CDK5RAP3: variants seen among roughly 807,000 people sequenced by gnomAD.
CDK5RAP3 encodes the protein CDK5 regulatory subunit-associated protein 3.
In CDK5RAP3, 58 loss-of-function variants were observed where a neutral mutation model predicts 73.3. The observed-to-expected ratio is 0.79, with a 90% confidence interval of 0.64 to 0.98. The LOEUF is 0.98. Ranked by LOEUF, CDK5RAP3 falls within the 50% of genes least tolerant of loss-of-function variation. CDK5RAP3 has a pLI of 0.00. For synonymous variants in CDK5RAP3, 224 were observed against 247.5 expected (o/e 0.91, Z 0.89); for missense variants, 525 against 615.8 (o/e 0.85, Z 1.56).
chr17:47,978,992 T>C, intron 11 of CDK5RAP3, 75 bp downstream of exon 11: 1 of 1,061,464 alleles, frequency 9.4e-7, no homozygotes, highest in Non-Finnish European at 1.5e-6. Context: ...ATGCCTGACC[T>C]GACCCCTCCT....
chr17:47,971,638 G>A (rs980423687), intron 2 of CDK5RAP3, among the ~76,000 whole-genome samples: 1 of 152,114 alleles, frequency 6.6e-6, no homozygotes, highest in Non-Finnish European at 1.5e-5. Flanking sequence ...ATATGTTATC[G>A]TATCATTCAG....
intron 5 of CDK5RAP3, chr17:47,974,727 G>A (rs2036355696): frequency 6.0e-6 from 8 of 1,330,974 alleles, no homozygotes; most frequent in Non-Finnish European, 7.7e-6. Flanking sequence ...CTTGGTTAGC[G>A]GGAGTGTGCT....
chr17:47,974,783 A>C, intron 5 of CDK5RAP3: 1 of 1,272,276 alleles, frequency 7.9e-7, no homozygotes, highest in Non-Finnish European at 1.0e-6. Flanking sequence ...AAGGCAGAAG[A>C]GGCACGGGTT....
chr17:47,975,531 A>C lies in CDK5RAP3; in HGVS notation c.531A>C (p.Gly177=), dbSNP rs776688459. 6.2e-7 allele frequency: 1 copy of C among 1,611,318 alleles called. No individual in the cohort carries two copies. Among genetic ancestry groups the C allele is most frequent in the Non-Finnish European group, 8.5e-7 (1 of 1,180,028 alleles). Residue 177 remains glycine, a synonymous_variant, in exon 7 of 14, where the codon GGA becomes GGC. Coordinates refer to ENST00000338399, the MANE Select transcript of CDK5RAP3 (RefSeq NM_176096.3). The stretch of plus-strand genomic sequence containing the variant: ...CTCTCTAGGGCGAAAATGTCCGAGG[A>C]GAACTGCTGGCCCTGGTGAAGGACC... The part of the protein sequence containing the change: ...QYGITGENVR[G]ELLALVKDLP...
At chr17:47,970,566 A>G, upstream of CDK5RAP3, 1 of 1,090,642 alleles carries the variant, frequency 9.2e-7, no homozygotes, top group Non-Finnish European at 1.3e-6. Flanking sequence ...CGTCTCACCG[A>G]CTCTCTTCCT....
chr17:47,974,046 A>G lies in CDK5RAP3; in HGVS notation c.285+15A>G. On this transcript the variant is annotated intron_variant, in intron 4 of 13. Coordinates refer to ENST00000338399, the MANE Select transcript of CDK5RAP3 (RefSeq NM_176096.3). The stretch of plus-strand genomic sequence containing the variant: ...AGCGGATGAAGGCAAGTGTGGGCCA[A>G]GGGCCGGTAGTATGTGGTTGGGGAC... 1 of 1,570,774 alleles carries G rather than the reference A, an allele frequency of 6.4e-7. No individual in the cohort carries two copies. Among genetic ancestry groups the G allele is most frequent in the Non-Finnish European group, 8.8e-7 (1 of 1,140,390 alleles).
chr17:47,970,519 T>A, upstream of CDK5RAP3: 2 of 719,206 alleles, frequency 2.8e-6, no homozygotes, highest in Non-Finnish European at 4.8e-6. Context: ...TATCTTCAGC[T>A]CTTCGTTTAG....
At chr17:47,973,430 A>C in intron 2 of CDK5RAP3, 89 bp from the exon 3 acceptor site, 1 of 1,483,348 alleles carries the variant, frequency 6.7e-7, no homozygotes, top group Non-Finnish European at 9.2e-7. Flanking sequence ...GAAAACTTTT[A>C]GACTAATTTC....
chr17:47,976,659 C>T (rs942352935), intron 8 of CDK5RAP3, 53 bp from the exon 9 acceptor site: 101 of 1,258,920 alleles, frequency 8.0e-5, no homozygotes, highest in Middle Eastern at 2.7e-4. Flanking sequence ...CCACCATGCC[C>T]GGCCCTTTTT....
intron 9 of CDK5RAP3, 105 bp from the exon 10 acceptor site, chr17:47,977,727 T>C: frequency 1.1e-6 from 1 of 886,094 alleles, no homozygotes. Flanking sequence ...CTTAATAGAG[T>C]TGGAATGTGC....
chr17:47,973,494 T>C (rs766350682), intron 2 of CDK5RAP3, 25 bp from the exon 3 acceptor site: 2 of 1,608,562 alleles, frequency 1.2e-6, no homozygotes, highest in South Asian at 2.2e-5. Context: ...ATGGGAATGC[T>C]CTAATTTGGG....
At chr17:47,971,278 G>A in intron 1 of CDK5RAP3, 84 bp from the exon 2 acceptor site, 1 of 1,547,364 alleles carries the variant, frequency 6.5e-7, no homozygotes, top group Non-Finnish European at 8.8e-7. Flanking sequence ...CTGCAGGGTG[G>A]TGGTTGGGAC....
chr17:47,975,110 C>G, intron 5 of CDK5RAP3, 49 bp from the exon 6 acceptor site: 1 of 1,613,772 alleles, frequency 6.2e-7, no homozygotes, highest in Non-Finnish European at 8.5e-7. Flanking sequence ...TGGGGCATGC[C>G]TGCCTCATGT....
chr17:47,978,796 A>G, intron 10 of CDK5RAP3, 33 bp from the exon 11 acceptor site: 1 of 1,551,180 alleles, frequency 6.4e-7, no homozygotes, highest in Non-Finnish European at 8.9e-7. Flanking sequence ...CAGTCCTCTG[A>G]TCCTTTATCA....
At chr17:47,977,400 A>C (rs1051386762) in intron 9 of CDK5RAP3, among the ~76,000 whole-genome samples, 1 of 151,676 alleles carries the variant, frequency 6.6e-6, no homozygotes, top group African/African-American at 2.4e-5. Context: ...CGCCCGCCTC[A>C]GCCTCCCAAA....
chr17:47,969,919 A>C (rs1567721111), upstream of CDK5RAP3, among the ~76,000 whole-genome samples: 1 of 151,862 alleles, frequency 6.6e-6, no homozygotes, highest in Non-Finnish European at 1.5e-5. Flanking sequence ...CCACCTAATC[A>C]CCTAGGTGTC....
chr17:47,974,434 A>C lies in CDK5RAP3; in HGVS notation c.320A>C (p.Asp107Ala). 6.2e-7 allele frequency: 1 copy of C among 1,614,200 alleles called. No homozygotes were observed. Among genetic ancestry groups the C allele is most frequent in the Non-Finnish European group, 8.5e-7 (1 of 1,180,012 alleles). ...GAGATTATAGCTCTGTATGAGAAGG[A>C]CAACACCTACTTAGGTAAAGTGGCC... ...WQEIIALYEK[D>A]NTYLVELSSL... The change falls in exon 5 of 14, where the codon GAC (aspartate) becomes GCC (alanine). Residue 107 changes from aspartate (D) to alanine (A), a missense_variant. By Grantham distance (126) the Asp-to-Ala change is moderately radical (BLOSUM62 -2). Coordinates refer to ENST00000338399, the MANE Select transcript of CDK5RAP3 (RefSeq NM_176096.3).
intron 2 of CDK5RAP3, among the ~76,000 whole-genome samples, 188 bp downstream of exon 2, chr17:47,971,595 G>A (rs1043177804): frequency 1.3e-5 from 2 of 152,244 alleles, no homozygotes; most frequent in African/African-American, 4.8e-5. Context: ...CATATGTACA[G>A]TCTGTTTGAC....
At chr17:47,973,904 C>G in intron 3 of CDK5RAP3, 27 bp from the exon 4 acceptor site, 1 of 1,567,580 alleles carries the variant, frequency 6.4e-7, no homozygotes, top group Non-Finnish European at 8.8e-7. Context: ...TACTTTAGTT[C>G]TCGAAATCCC....
Sources: gnomAD v4.1 joint callset for allele counts (sites outside exome capture counted in the v4.1 genomes callset) on GRCh38, gnomAD v4.1.1 for gene constraint, MANE v1.5 for transcripts, NCBI Gene and HGNC (gene_info 2026-07-23, HGNC 2026-07-21) for gene names.